The following MAP3K5 variants were observed in gnomAD, a reference collection of about 807,000 sequenced individuals.
The protein encoded by MAP3K5 is ASK-1.
MAP3K5 carries 56 observed loss-of-function variants against 158.7 expected under a neutral mutation model. The ratio of observed to expected loss-of-function variants is 0.35; its 90% CI spans 0.28 to 0.44. MAP3K5 has a LOEUF of 0.44. Among genes scored for constraint, MAP3K5 ranks in the 20% least tolerant of loss-of-function variants. The probability of loss-of-function intolerance (pLI) is 1.00; values close to 1 mark genes in which losing one functional copy is unlikely to be tolerated. For synonymous variants in MAP3K5, 579 were observed against 601.7 expected (o/e 0.96, Z 0.55); for missense variants, 1,294 against 1,674.8 (o/e 0.77, Z 3.97).
intron 10 of MAP3K5, 24 bp downstream of exon 10, chr6:136,656,283 T>C (rs1182140446): frequency 1.2e-6 from 2 of 1,604,572 alleles, no homozygotes; most frequent in African/African-American, 2.7e-5. Flanking sequence ...GAAATGTACT[T>C]AGATTTAAAG....
chr6:136,730,699 G>C lies in MAP3K5; in HGVS notation c.449-10110C>G, dbSNP rs561076880. 1.7e-3 allele frequency among the ~76,000 whole-genome samples: 247 copies of C among 142,538 alleles called. 1 individual carries two copies. Among genetic ancestry groups the C allele is most frequent in the African/African-American group, 6.3e-3 (242 of 38,330 alleles). 93.5% of individuals were successfully genotyped at this position (142,538 alleles called of 152,430 possible). ...ATGGCGCCACTGTACTCCAGCCTGG[G>C]AGATAGAGTGAAACTCTGCCTCAAA... On this transcript the variant is annotated intron_variant, in intron 1 of 29. Transcript: ENST00000359015.
At chr6:136,697,419 G>C in intron 4 of MAP3K5, 32 bp from the exon 5 acceptor site, 1 of 1,535,150 alleles carries the variant, frequency 6.5e-7, no homozygotes, top group Non-Finnish European at 8.9e-7. Flanking sequence ...CAAAGAGTTT[G>C]ACATTAGAAA....
intron 17 of MAP3K5, among the ~76,000 whole-genome samples, chr6:136,612,631 G>C (rs113098391): frequency 0.012 from 1,842 of 152,198 alleles, 38 homozygotes; most frequent in African/African-American, 0.043. Flanking sequence ...TATTATTTTA[G>C]CTTATTTTAG....
At chr6:136,588,215 G>A (rs533927279) in intron 23 of MAP3K5, among the ~76,000 whole-genome samples, 1 of 152,194 alleles carries the variant, frequency 6.6e-6, no homozygotes, top group Non-Finnish European at 1.5e-5. Flanking sequence ...CCTAGCACTT[G>A]TCACCATCGG....
At chr6:136,630,862 G>C (rs551105188) in intron 14 of MAP3K5, among the ~76,000 whole-genome samples, 1 of 152,274 alleles carries the variant, frequency 6.6e-6, no homozygotes, top group South Asian at 2.1e-4. Flanking sequence ...AGGCATGGTG[G>C]CTCACATCTG....
At chr6:136,650,464 C>T (rs1300241805) in intron 11 of MAP3K5, among the ~76,000 whole-genome samples, 3 of 152,228 alleles carry the variant, frequency 2.0e-5, no homozygotes, top group East Asian at 3.8e-4. Context: ...TAAGATCTTT[C>T]TCAAAATAGG....
chr6:136,573,475 G>A (rs919685515), intron 25 of MAP3K5, among the ~76,000 whole-genome samples: 2 of 152,128 alleles, frequency 1.3e-5, no homozygotes, highest in African/African-American at 4.8e-5. Context: ...ATATCTCTAT[G>A]TATCCTATTG....
At chr6:136,618,061 C>T (rs114911704) in intron 15 of MAP3K5, among the ~76,000 whole-genome samples, 1,848 of 152,316 alleles carry the variant, frequency 0.012, 41 homozygotes, top group African/African-American at 0.042. Flanking sequence ...TTCCCTCTTA[C>T]AACCACTTTG....
rs1778038499 is a variant in MAP3K5, at chr6:136,642,637, TTTAA to T, written c.1789-72_1789-69del. The stretch of plus-strand genomic sequence containing the variant: ...AAATAACATAACAACAATAATTTTG[TTTAA>T]TTATTTTTAAAGTGATATACACAGC... On this transcript the variant is annotated intron_variant, in intron 11 of 29. Coordinates refer to ENST00000359015, the MANE Select transcript of MAP3K5 (RefSeq NM_005923.4). 1.3e-5 allele frequency: 14 copies of T among 1,101,222 alleles called. No individual in the cohort carries two copies. In the South Asian group the frequency reaches 1.9e-4, roughly 15 times the overall value. The allele number at this position is 1,101,222 out of a possible 1,614,324, so 68.2% of individuals were successfully genotyped here. A position where few individuals can be genotyped will look rare whatever the true frequency, so the allele number is the denominator to read the frequency against.
intron 21 of MAP3K5, among the ~76,000 whole-genome samples, chr6:136,593,159 C>T (rs1775470564): frequency 6.6e-6 from 1 of 152,082 alleles, no homozygotes. Context: ...CTTAAGGATT[C>T]ATATAAAAAA....
At chr6:136,727,965 GA>G (rs5880306) in intron 1 of MAP3K5, among the ~76,000 whole-genome samples, 73,667 of 133,696 alleles carry the variant, frequency 0.55, 18,807 homozygotes, top group African/African-American at 0.65. Context: ...CCGCCTCAAA[GA>G]AAAAAAAAAA....
intron 23 of MAP3K5, among the ~76,000 whole-genome samples, chr6:136,589,903 T>C (rs1407798203): frequency 3.9e-5 from 6 of 152,220 alleles, no homozygotes; most frequent in Admixed American, 6.5e-5. Context: ...CAGTTTGTTA[T>C]GGTTGCTTGC....
intron 7 of MAP3K5, among the ~76,000 whole-genome samples, chr6:136,686,355 A>ACTG (rs1248393255): frequency 6.8e-4 from 103 of 152,336 alleles, no homozygotes; most frequent in African/African-American, 2.4e-3. Context: ...CCCTTTGAAA[A>ACTG]GCAGTAGAAG....
At chr6:136,642,030 A>AAAATAAAATAAAAAT (rs1491266433) in intron 12 of MAP3K5, among the ~76,000 whole-genome samples, 7 of 119,326 alleles carry the variant, frequency 5.9e-5, no homozygotes, top group African/African-American at 7.0e-5. Context: ...AAAATAAAAT[A>AAAATAAAATAAAAAT]AAAATAAAAT....
intron 9 of MAP3K5, among the ~76,000 whole-genome samples, chr6:136,657,220 A>G (rs112400378): frequency 2.6e-5 from 4 of 152,202 alleles, no homozygotes; most frequent in African/African-American, 9.6e-5. Context: ...CTCAAACCTA[A>G]TAAGACAGAT....
intron 3 of MAP3K5, among the ~76,000 whole-genome samples, chr6:136,699,240 C>A (rs1020188758): frequency 1.3e-5 from 2 of 152,170 alleles, no homozygotes. Flanking sequence ...TCCCATCTGT[C>A]CTGCCTCCAA....
chr6:136,575,300 C>T (rs908006228), intron 25 of MAP3K5, among the ~76,000 whole-genome samples: 1 of 151,574 alleles, frequency 6.6e-6, no homozygotes, highest in African/African-American at 2.4e-5. Context: ...TAGCCAGGAC[C>T]ACAGGCACAT....
intron 21 of MAP3K5, among the ~76,000 whole-genome samples, chr6:136,598,467 G>A (rs1419701978): frequency 6.6e-6 from 1 of 152,190 alleles, no homozygotes; most frequent in Non-Finnish European, 1.5e-5. Flanking sequence ...CAGGAACTCT[G>A]TCTTTATCAT....
At chr6:136,629,923 T>C (rs1378878544) in intron 14 of MAP3K5, among the ~76,000 whole-genome samples, 2 of 152,100 alleles carry the variant, frequency 1.3e-5, no homozygotes, top group Non-Finnish European at 2.9e-5. Flanking sequence ...GGCTAATTTT[T>C]GTATTTTCAG....
Sources: gnomAD v4.1 joint callset for allele counts (sites outside exome capture counted in the v4.1 genomes callset) on GRCh38, gnomAD v4.1.1 for gene constraint, MANE v1.5 for transcripts, NCBI Gene and HGNC (gene_info 2026-07-23, HGNC 2026-07-21) for gene names.